ERC2: variants seen among roughly 807,000 people sequenced by gnomAD.
ERC2 encodes ELKS/RAB6-interacting/CAST family member 2.
In ERC2, 42 loss-of-function variants were observed where a neutral mutation model predicts 114.8. That is an observed-to-expected ratio of 0.37 (90% CI 0.29 to 0.47). The LOEUF is 0.47. Among genes scored for constraint, ERC2 ranks in the 20% least tolerant of loss-of-function variants. The pLI, the probability that ERC2 is intolerant of heterozygous loss-of-function variation, is 0.99. For missense variants in ERC2, 939 were observed against 1,150.7 expected (o/e 0.82, Z 2.66); for synonymous variants, 454 against 425.5 (o/e 1.07, Z -0.82).
At chr3:56,096,901 G>A (rs1280241150) in intron 6 of ERC2, among the ~76,000 whole-genome samples, 1 of 152,086 alleles carries the variant, frequency 6.6e-6, no homozygotes, top group Non-Finnish European at 1.5e-5. Context: ...CTCTTCAAAA[G>A]AATGAAAACA....
chr3:56,324,216 C>T (rs1351524465), intron 2 of ERC2, among the ~76,000 whole-genome samples: 1 of 152,162 alleles, frequency 6.6e-6, no homozygotes, highest in Non-Finnish European at 1.5e-5. Context: ...AAGGAAGCAG[C>T]TCTGTGTTAG....
intron 12 of ERC2, among the ~76,000 whole-genome samples, chr3:55,960,331 A>G (rs1177360372): frequency 6.6e-6 from 1 of 152,168 alleles, no homozygotes; most frequent in East Asian, 1.9e-4. Context: ...TTTCAGTTGC[A>G]ATAACACAGC....
intron 6 of ERC2, among the ~76,000 whole-genome samples, chr3:56,119,956 A>G (rs756075412): frequency 5.9e-5 from 9 of 152,260 alleles, no homozygotes; most frequent in Non-Finnish European, 1.2e-4. Flanking sequence ...AGAAAAGACC[A>G]TCTTAGCAAA....
intron 12 of ERC2, among the ~76,000 whole-genome samples, chr3:55,970,707 G>T (rs1023051720): frequency 2.0e-5 from 3 of 152,156 alleles, no homozygotes; most frequent in Non-Finnish European, 4.4e-5. Context: ...TGGTGAGAAT[G>T]CAGAGAATTT....
intron 14 of ERC2, among the ~76,000 whole-genome samples, chr3:55,877,859 G>A (rs2062936174): frequency 6.6e-6 from 1 of 152,082 alleles, no homozygotes; most frequent in African/African-American, 2.4e-5. Flanking sequence ...GTTTCTTTGT[G>A]TGATGTGGCT....
chr3:56,007,566 T>A (rs181141779), intron 9 of ERC2, among the ~76,000 whole-genome samples: 5 of 152,130 alleles, frequency 3.3e-5, no homozygotes, highest in Non-Finnish European at 7.4e-5. Flanking sequence ...AGTAAATGCA[T>A]GTTTCACGTC....
intron 6 of ERC2, among the ~76,000 whole-genome samples, chr3:56,093,087 G>A (rs1208928219): frequency 6.6e-6 from 1 of 152,168 alleles, no homozygotes; most frequent in Non-Finnish European, 1.5e-5. Context: ...ATTAGGCACT[G>A]TATTTGTTAG....
intron 14 of ERC2, among the ~76,000 whole-genome samples, chr3:55,745,766 G>A (rs916496916): frequency 1.3e-5 from 2 of 152,190 alleles, no homozygotes; most frequent in African/African-American, 4.8e-5. Context: ...TCAAGAGACT[G>A]TCGTATTGCA....
At chr3:55,581,597 G>T (rs1314133055) in intron 17 of ERC2, among the ~76,000 whole-genome samples, 1 of 152,132 alleles carries the variant, frequency 6.6e-6, no homozygotes, top group Admixed American at 6.5e-5. Flanking sequence ...AAGAAGCCAA[G>T]GTTTCCAACC....
At chr3:56,129,681 T>C (rs1441463461) in intron 6 of ERC2, among the ~76,000 whole-genome samples, 1 of 152,208 alleles carries the variant, frequency 6.6e-6, no homozygotes, top group African/African-American at 2.4e-5. Context: ...TAATTGGATA[T>C]TGTCGCTTCC....
intron 2 of ERC2, among the ~76,000 whole-genome samples, chr3:56,394,803 C>G (rs1034160874): frequency 2.6e-5 from 4 of 152,018 alleles, no homozygotes; most frequent in African/African-American, 9.7e-5. Flanking sequence ...GGAAAACAGT[C>G]TAATAGTCCT....
chr3:55,589,404 C>A (rs772054519), intron 17 of ERC2, among the ~76,000 whole-genome samples: 1 of 152,134 alleles, frequency 6.6e-6, no homozygotes, highest in Non-Finnish European at 1.5e-5. Flanking sequence ...AGACACGTGA[C>A]GGTCATTTGG....
intron 14 of ERC2, among the ~76,000 whole-genome samples, chr3:55,805,923 G>A (rs78757758): frequency 1.3e-5 from 2 of 152,166 alleles, no homozygotes; most frequent in East Asian, 1.9e-4. Context: ...AAAATGTTCT[G>A]AAATATTGTC....
At chr3:56,352,074 G>T (rs916180833) in intron 2 of ERC2, among the ~76,000 whole-genome samples, 3 of 152,102 alleles carry the variant, frequency 2.0e-5, no homozygotes, top group Non-Finnish European at 2.9e-5. Context: ...GCCACAATGA[G>T]ATCTTTACAT....
At chr3:55,823,774 G>C (rs367567027) in intron 14 of ERC2, among the ~76,000 whole-genome samples, 6 of 152,302 alleles carry the variant, frequency 3.9e-5, no homozygotes, top group African/African-American at 1.4e-4. Flanking sequence ...ACTGACTTCT[G>C]TTTAATGAAG....
At chr3:56,181,136 CTT>C (rs2083266239) in intron 3 of ERC2, among the ~76,000 whole-genome samples, 1 of 152,162 alleles carries the variant, frequency 6.6e-6, no homozygotes. Flanking sequence ...GTTTCCTACT[CTT>C]TTTTCCATTA....
intron 17 of ERC2, among the ~76,000 whole-genome samples, chr3:55,609,910 T>C (rs887493269): frequency 8.6e-5 from 13 of 151,988 alleles, no homozygotes; most frequent in Non-Finnish European, 1.5e-4. Flanking sequence ...CCCTGCACTT[T>C]GCCCTGCTCG....
intron 3 of ERC2, among the ~76,000 whole-genome samples, chr3:56,220,415 G>A (rs983253425): frequency 3.3e-5 from 5 of 152,188 alleles, no homozygotes; most frequent in Admixed American, 6.5e-5. Context: ...TCAGGGTTTC[G>A]GTTGCAAGCC....
At chr3:55,923,920 T>C (rs2065595583) in intron 13 of ERC2, among the ~76,000 whole-genome samples, 2 of 152,110 alleles carry the variant, frequency 1.3e-5, no homozygotes, top group African/African-American at 4.8e-5. Flanking sequence ...ATCAGAGCTG[T>C]CTCCCAAAAT....
Sources: allele counts gnomAD v4.1 joint callset (sites outside exome capture counted in the v4.1 genomes callset), GRCh38; gene constraint gnomAD v4.1.1; transcripts MANE v1.5; gene names NCBI Gene and HGNC (gene_info 2026-07-23, HGNC 2026-07-21).